The following PRDM6 variants were observed in gnomAD, a reference collection of about 807,000 sequenced individuals.
PRDM6 encodes PR/SET domain 6.
Under a neutral mutation model 60.8 loss-of-function variants are expected in PRDM6, and 25 were observed. That is an observed-to-expected ratio of 0.41 (90% confidence interval 0.30 to 0.57). The LOEUF is 0.57. Among genes scored for constraint, PRDM6 ranks in the 20% least tolerant of loss-of-function variants. The pLI, the probability that PRDM6 is intolerant of heterozygous loss-of-function variation, is 0.27. For missense variants in PRDM6, 839 were observed against 821.3 expected (o/e 1.02, Z -0.26); for synonymous variants, 407 against 357.4 (o/e 1.14, Z -1.57).
intron 2 of PRDM6, among the ~76,000 whole-genome samples, chr5:123,098,601 C>T (rs1047750821): frequency 6.6e-6 from 1 of 152,224 alleles, no homozygotes; most frequent in Non-Finnish European, 1.5e-5. Context: ...GGGTGGGGGT[C>T]CCTCTCGCGC....
In PRDM6 at chr5:123,134,096, T is replaced by C. The variant is rs368058790; in HGVS notation, c.901-21788T>C. On this transcript the variant is annotated intron_variant, in intron 3 of 7. Coordinates refer to ENST00000407847, the MANE Select transcript of PRDM6 (RefSeq NM_001136239.4). ...CCAACAACTCAAAGTCACTTTGTCC[T>C]TTTACTAAATAATCTTCTCTAATTG... Among the ~76,000 whole-genome samples, 67 of 152,276 alleles carry C rather than the reference T, an allele frequency of 4.4e-4. 1 individual carries two copies. The highest frequency in any genetic ancestry group is 1.6e-3 in the African/African-American group (66 of 41,584).
chr5:123,163,520 G>T (rs555812975), intron 5 of PRDM6, among the ~76,000 whole-genome samples: 6 of 152,244 alleles, frequency 3.9e-5, no homozygotes, highest in African/African-American at 1.2e-4. Flanking sequence ...CAGGCATTTG[G>T]GTTCTGGAAG....
intron 5 of PRDM6, among the ~76,000 whole-genome samples, chr5:123,167,504 C>T (rs892003568): frequency 1.1e-4 from 16 of 152,164 alleles, no homozygotes; most frequent in African/African-American, 3.6e-4. Context: ...ATTCTTCCGC[C>T]CCAGCCTCCC....
At chr5:123,166,330 G>A (rs1056961339) in intron 5 of PRDM6, among the ~76,000 whole-genome samples, 1 of 152,094 alleles carries the variant, frequency 6.6e-6, no homozygotes, top group Non-Finnish European at 1.5e-5. Flanking sequence ...TGATGCCCGT[G>A]TACCCCTCAG....
At chr5:123,171,156 A>C in intron 6 of PRDM6, 48 bp downstream of exon 6, 2 of 1,430,856 alleles carry the variant, frequency 1.4e-6, no homozygotes, top group Non-Finnish European at 1.9e-6. Flanking sequence ...AGTGAGACCC[A>C]CTGCTTGCCT....
chr5:123,147,555 T>G (rs1044579498), intron 3 of PRDM6, among the ~76,000 whole-genome samples: 1 of 152,142 alleles, frequency 6.6e-6, no homozygotes, highest in Non-Finnish European at 1.5e-5. Context: ...TGCAGAAATA[T>G]TTCTCTTTAA....
At chr5:123,157,559 C>T (rs1396132004) in intron 4 of PRDM6, among the ~76,000 whole-genome samples, 1 of 152,140 alleles carries the variant, frequency 6.6e-6, no homozygotes, top group Non-Finnish European at 1.5e-5. Flanking sequence ...ACACTATGAG[C>T]TCTCTCTGCC....
At chr5:123,159,060 C>A (rs1219979007) in intron 4 of PRDM6, among the ~76,000 whole-genome samples, 3 of 152,094 alleles carry the variant, frequency 2.0e-5, no homozygotes, top group Non-Finnish European at 2.9e-5. Flanking sequence ...TATCACAAAG[C>A]TGCTTAATTT....
At chr5:123,164,706 T>G (rs999755192) in intron 5 of PRDM6, among the ~76,000 whole-genome samples, 1 of 152,068 alleles carries the variant, frequency 6.6e-6, no homozygotes, top group Non-Finnish European at 1.5e-5. Context: ...TTATGAGAGA[T>G]TTGACTTTTT....
rs529022121 is a variant in PRDM6 at position 123,090,455 on chromosome 5, C to G, written c.441C>G (p.Pro147=). 5.1e-4 allele frequency: 753 copies of G among 1,469,970 alleles called. 2 individuals are homozygous for G. Among genetic ancestry groups the G allele is most frequent in the Non-Finnish European group, 6.0e-4 (675 of 1,119,644 alleles). The allele number at this position is 1,469,970 out of a possible 1,614,324, so 91.1% of individuals were successfully genotyped here. The stretch of plus-strand genomic sequence containing the variant: ...TCGGCGCCACCTCCGGCCCCGGGCC[C>G]GTCAAGTGCGGTGGTGGTGGCGGCG... The part of the protein sequence containing the change: ...LCLGATSGPG[P]VKCGGGGGGG... The change falls in exon 2 of 8, where the codon CCC becomes CCG. Residue 147 remains proline, a synonymous_variant. Transcript: ENST00000407847.
intron 5 of PRDM6, among the ~76,000 whole-genome samples, chr5:123,170,180 C>A (rs190626286): frequency 6.6e-6 from 1 of 152,226 alleles, no homozygotes; most frequent in African/African-American, 2.4e-5. Context: ...TCAGTCAGCC[C>A]GTCTCCCTTA....
intron 2 of PRDM6, 61 bp downstream of exon 2, chr5:123,090,667 G>A: frequency 3.1e-6 from 4 of 1,286,038 alleles, no homozygotes; most frequent in Non-Finnish European, 4.2e-6. Context: ...CGGCGGGCGC[G>A]GGTGCCTGTC....
chr5:123,115,631 C>T (rs1414013563), intron 3 of PRDM6, among the ~76,000 whole-genome samples: 1 of 151,984 alleles, frequency 6.6e-6, no homozygotes, highest in East Asian at 1.9e-4. Flanking sequence ...ATTCTTATTG[C>T]AGTTAGTATT....
At chr5:123,116,318 G>T (rs112996379) in intron 3 of PRDM6, among the ~76,000 whole-genome samples, 80 of 152,320 alleles carry the variant, frequency 5.3e-4, no homozygotes, top group African/African-American at 1.8e-3. Context: ...CAAATTGCTT[G>T]CATTTACAGT....
chr5:123,098,013 A>T (rs1763996847), intron 2 of PRDM6, among the ~76,000 whole-genome samples: 1 of 152,236 alleles, frequency 6.6e-6, no homozygotes. Context: ...TTACATAGTC[A>T]GCCCTCCTTT....
intron 3 of PRDM6, among the ~76,000 whole-genome samples, chr5:123,126,077 A>T (rs2150220515): frequency 6.6e-6 from 1 of 152,258 alleles, no homozygotes; most frequent in African/African-American, 2.4e-5. Flanking sequence ...CTGCTTTAAG[A>T]ACTCAATTAC....
chr5:123,096,725 A>T (rs1374347091), intron 2 of PRDM6, among the ~76,000 whole-genome samples: 4 of 152,244 alleles, frequency 2.6e-5, no homozygotes, highest in African/African-American at 9.6e-5. Context: ...TTCACTTTTA[A>T]TAGTAGCATA....
chr5:123,190,031 T>G lies in PRDM6; in HGVS notation c.*2830T>G, dbSNP rs1205836815. 6.6e-6 allele frequency: 1 copy of G among 152,234 alleles called. No individual in the cohort carries two copies. Among genetic ancestry groups the G allele is most frequent in the African/African-American group, 2.4e-5 (1 of 41,466 alleles). The allele number at this position is 152,234 out of a possible 1,614,324, so 9.4% of individuals were successfully genotyped here. A position where few individuals can be genotyped will look rare whatever the true frequency, so the allele number is the denominator to read the frequency against. The stretch of plus-strand genomic sequence containing the variant: ...CGTAAAATTTGCCAGTTTTTCTTAT[T>G]AGTAACTTCCTAATTAGTAGTGCTA... On this transcript the variant is annotated 3_prime_UTR_variant, in exon 8 of 8. Coordinates refer to ENST00000407847, the MANE Select transcript of PRDM6 (RefSeq NM_001136239.4).
intron 2 of PRDM6, among the ~76,000 whole-genome samples, chr5:123,098,047 A>G (rs1349191611): frequency 6.6e-6 from 1 of 152,206 alleles, no homozygotes; most frequent in African/African-American, 2.4e-5. Flanking sequence ...TGGCAAATCG[A>G]GGGCTCCCTT....
Sources: allele counts gnomAD v4.1 joint callset (sites outside exome capture counted in the v4.1 genomes callset), GRCh38; gene constraint gnomAD v4.1.1; transcripts MANE v1.5; gene names NCBI Gene and HGNC (gene_info 2026-07-23, HGNC 2026-07-21).